PIAS1: variants seen among roughly 807,000 people sequenced by gnomAD.
PIAS1 encodes the protein protein inhibitor of activated STAT 1, also known as E3 SUMO-protein ligase PIAS1.
In PIAS1, 6 loss-of-function variants were observed where a neutral mutation model predicts 71.3. The observed-to-expected ratio is 0.08, with a 90% CI of 0.05 to 0.17. The LOEUF (loss-of-function observed/expected upper bound fraction) is 0.17, where lower values mean the gene tolerates loss of function less well. Ranked by LOEUF, PIAS1 falls within the 10% of genes least tolerant of loss-of-function variation. The pLI, the probability that PIAS1 is intolerant of heterozygous loss-of-function variation, is 1.00. For synonymous variants in PIAS1, 303 were observed against 292.9 expected (o/e 1.03, Z -0.35); for missense variants, 555 against 793.6 (o/e 0.70, Z 3.61).
At position 68,151,938 on chromosome 15, in the gene PIAS1, A is replaced by ATTTTT. The variant is rs1567065720; in HGVS notation, c.829-1652_829-1651insTTTTT. On this transcript the variant is annotated intron_variant, in intron 6 of 13. Coordinates refer to ENST00000249636, the MANE Select transcript of PIAS1 (RefSeq NM_016166.3). ...TATGTTGTATGCTCTAAAATTTAGG[A>ATTTTT]ATTTTTTTTTTTTTTTTTTTTTGGG... 3.7e-4 allele frequency among the ~76,000 whole-genome samples: 14 copies of ATTTTT among 37,372 alleles called. No homozygotes were observed. In the East Asian group the frequency reaches 4.1e-3, roughly 11 times the overall value. 24.5% of individuals were successfully genotyped at this position (37,372 alleles called of 152,430 possible). A position where few individuals can be genotyped will look rare whatever the true frequency, so the allele number is the denominator to read the frequency against.
Position 68,192,339 on chromosome 15 carries a change from C to G in PIAS1, c.*4504C>G, listed in dbSNP as rs900173621. On this transcript the variant is annotated 3_prime_UTR_variant, in exon 14 of 14. Transcript: ENST00000249636. ...TAAGCACCAGGACCCTTCACTTGTT[C>G]TGGTCCTAGGAGCAGCCCCAGAAAT... 6.6e-6 allele frequency: 1 copy of G among 152,192 alleles called. No individual in the cohort carries two copies. Among genetic ancestry groups the G allele is most frequent in the Non-Finnish European group, 1.5e-5 (1 of 68,034 alleles). The allele number at this position is 152,192 out of a possible 1,614,324, so 9.4% of individuals were successfully genotyped here.
At chr15:68,177,560 A>G (rs1004544024) in intron 11 of PIAS1, among the ~76,000 whole-genome samples, 7 of 152,194 alleles carry the variant, frequency 4.6e-5, no homozygotes, top group African/African-American at 1.2e-4. Flanking sequence ...TCTTATATCA[A>G]TAACAGTGTA....
At chr15:68,121,809 A>G (rs775421099) in intron 2 of PIAS1, among the ~76,000 whole-genome samples, 24 of 152,124 alleles carry the variant, frequency 1.6e-4, no homozygotes, top group Non-Finnish European at 3.1e-4. Context: ...TTTGGAATGA[A>G]TAGACCTGGA....
At chr15:68,055,146 TCTTTTGC>T (rs1411098905) in intron 1 of PIAS1, 32 of 963,314 alleles carry the variant, frequency 3.3e-5, no homozygotes, top group Non-Finnish European at 4.0e-5. Flanking sequence ...CTCTCTCCCT[TCTTTTGC>T]CTTAGCTGGT....
chr15:68,097,633 A>G (rs2092388125), intron 2 of PIAS1, among the ~76,000 whole-genome samples: 1 of 152,140 alleles, frequency 6.6e-6, no homozygotes, highest in African/African-American at 2.4e-5. Flanking sequence ...GGGTTTCCCC[A>G]CATTGGCCAG....
At chr15:68,162,143 G>A (rs934644467) in intron 7 of PIAS1, among the ~76,000 whole-genome samples, 1 of 152,020 alleles carries the variant, frequency 6.6e-6, no homozygotes, top group Admixed American at 6.6e-5. Flanking sequence ...CAGGCATAGA[G>A]AGGTTAAGTG....
At chr15:68,108,775 T>C (rs182068142) in intron 2 of PIAS1, among the ~76,000 whole-genome samples, 1 of 152,288 alleles carries the variant, frequency 6.6e-6, no homozygotes, top group East Asian at 1.9e-4. Context: ...ACTCTTCTCT[T>C]TTGTTATGTT....
intron 2 of PIAS1, among the ~76,000 whole-genome samples, chr15:68,116,954 T>A (rs941546767): frequency 2.0e-5 from 3 of 152,178 alleles, no homozygotes; most frequent in African/African-American, 7.2e-5. Context: ...GATGTTTCAG[T>A]ACATGTATAA....
chr15:68,183,617 T>C lies in PIAS1; in HGVS notation c.1625-13T>C, dbSNP rs1385704206. On this transcript the variant is annotated splice_polypyrimidine_tract_variant and intron_variant, in intron 12 of 13. Coordinates refer to ENST00000249636, the MANE Select transcript of PIAS1 (RefSeq NM_016166.3). ...CTTTTTTTTTTAAACTGAAATAATT[T>C]TTTCTTCCACAGGATTAGATTTCTT... 9.2e-7 allele frequency: 1 copy of C among 1,082,084 alleles called. No individual in the cohort carries two copies. The highest frequency in any genetic ancestry group is 2.6e-5 in the East Asian group (1 of 38,120). 67.0% of individuals were successfully genotyped at this position (1,082,084 alleles called of 1,614,324 possible). A position where few individuals can be genotyped will look rare whatever the true frequency, so the allele number is the denominator to read the frequency against.
chr15:68,166,652 T>TAATATATATG (rs1390707030), intron 8 of PIAS1, among the ~76,000 whole-genome samples: 1 of 152,228 alleles, frequency 6.6e-6, no homozygotes, highest in Non-Finnish European at 1.5e-5. Context: ...ATAGTTGTAC[T>TAATATATATG]AATATATATG....
chr15:68,087,842 C>T (rs1386838142), intron 2 of PIAS1: 3 of 367,000 alleles, frequency 8.2e-6, no homozygotes, highest in Non-Finnish European at 1.7e-5. Context: ...TTATATTTAG[C>T]AGAAATTATC....
Position 68,185,413 on chromosome 15 carries a change from T to G in PIAS1, c.1662+1746T>G, listed in dbSNP as rs945202732. ...GCTAAGGATGAAGAGGTTGCAGAAA[T>G]GGACAAGGCTGTGGTTGACATGGCA... On this transcript the variant is annotated intron_variant, in intron 13 of 13. Coordinates refer to ENST00000249636, the MANE Select transcript of PIAS1 (RefSeq NM_016166.3). This position sits in a 1 kb window ranked among gnomAD's most constrained non-coding sequence, Gnocchi z 4.4. Among the ~76,000 whole-genome samples, 7 of 152,160 alleles carry G rather than the reference T, an allele frequency of 4.6e-5. No homozygotes were observed. The highest frequency in any genetic ancestry group is 1.7e-4 in the African/African-American group (7 of 41,424).
At chr15:68,074,314 C>T (rs535071772) in intron 1 of PIAS1, among the ~76,000 whole-genome samples, 48 of 151,788 alleles carry the variant, frequency 3.2e-4, no homozygotes, top group Non-Finnish European at 6.0e-4. Context: ...ACTTTTTTTT[C>T]CTTTTTTAAA....
chr15:68,099,676 GT>G (rs147098515), intron 2 of PIAS1, among the ~76,000 whole-genome samples: 3,611 of 145,090 alleles, frequency 0.025, 115 homozygotes, highest in African/African-American at 0.079. Flanking sequence ...GTTTTTGGGG[GT>G]TTTTTTTTTG....
chr15:68,162,972 C>T (rs138811280), intron 7 of PIAS1, among the ~76,000 whole-genome samples: 101 of 152,284 alleles, frequency 6.6e-4, no homozygotes, highest in Non-Finnish European at 1.2e-3. Flanking sequence ...TGATGGTGTC[C>T]GCCAAGATTG....
intron 2 of PIAS1, among the ~76,000 whole-genome samples, chr15:68,099,247 G>GTA (rs1324365964): frequency 1.3e-5 from 2 of 149,288 alleles, no homozygotes; most frequent in Admixed American, 6.6e-5. Flanking sequence ...GACTATATAT[G>GTA]TATATATATT....
At chr15:68,075,177 C>G (rs12914713) in intron 1 of PIAS1, among the ~76,000 whole-genome samples, 1 of 148,448 alleles carries the variant, frequency 6.7e-6, no homozygotes, top group Non-Finnish European at 1.5e-5. Context: ...CTCCGCCCCC[C>G]CAGGTTCAAG....
At chr15:68,085,257 T>G (rs2092269166) in intron 1 of PIAS1, among the ~76,000 whole-genome samples, 1 of 152,160 alleles carries the variant, frequency 6.6e-6, no homozygotes, top group African/African-American at 2.4e-5. Context: ...GATGCAATCT[T>G]TTAGGATTCT....
chr15:68,157,791 C>CTA (rs2141069084), intron 7 of PIAS1, among the ~76,000 whole-genome samples: 1 of 152,240 alleles, frequency 6.6e-6, no homozygotes, highest in Non-Finnish European at 1.5e-5. Context: ...TCATCTCAGA[C>CTA]CTCTCCCCTG....
Sources: allele counts gnomAD v4.1 joint callset (sites outside exome capture counted in the v4.1 genomes callset), GRCh38; gene constraint gnomAD v4.1.1; non-coding constraint Gnocchi (gnomAD v3.1); transcripts MANE v1.5; gene names NCBI Gene and HGNC (gene_info 2026-07-23, HGNC 2026-07-21).